GLMN: variants seen among roughly 807,000 people sequenced by gnomAD.
GLMN encodes glomulin, FKBP associated protein.
GLMN carries 75 observed loss-of-function variants against 87.8 expected under a neutral mutation model. The observed-to-expected ratio is 0.85, with a 90% CI of 0.71 to 1.04. The LOEUF is 1.04. Among genes scored for constraint, GLMN ranks in the 50% least tolerant of loss-of-function variants. The pLI, the probability that GLMN is intolerant of heterozygous loss-of-function variation, is 0.00. For missense variants in GLMN, 588 were observed against 658.8 expected (o/e 0.89, Z 1.18); for synonymous variants, 206 against 221.6 (o/e 0.93, Z 0.63).
intron 16 of GLMN, among the ~76,000 whole-genome samples, chr1:92,253,282 G>C (rs909538721): frequency 6.6e-6 from 1 of 152,192 alleles, no homozygotes; most frequent in African/African-American, 2.4e-5. Flanking sequence ...GGGGCTTATA[G>C]ATAAAACTTC....
intron 16 of GLMN, 90 bp from the exon 17 acceptor site, chr1:92,248,079 A>G (rs1570812139): frequency 6.9e-6 from 5 of 724,772 alleles, no homozygotes; most frequent in East Asian, 2.5e-5. Flanking sequence ...ACAAAAATAA[A>G]TGAAACATGG....
the GLMN span, among the ~76,000 whole-genome samples, chr1:92,354,194 C>G: frequency 1.3e-5 from 2 of 152,114 alleles, no homozygotes; most frequent in African/African-American, 4.8e-5. Flanking sequence ...TGATTGAGCT[C>G]CCTGAGAGCT....
intron 13 of GLMN, among the ~76,000 whole-genome samples, chr1:92,266,016 C>T (rs1051794483): frequency 6.6e-6 from 1 of 152,160 alleles, no homozygotes; most frequent in African/African-American, 2.4e-5. Flanking sequence ...TATTAGTAAG[C>T]TCTTACTATT....
At chr1:92,356,931 C>T in the GLMN span, among the ~76,000 whole-genome samples, 2 of 151,686 alleles carry the variant, frequency 1.3e-5, no homozygotes, top group African/African-American at 4.8e-5. Flanking sequence ...GGCATGATGG[C>T]GGGGACCGCC....
At chr1:92,343,737 AATTATAT>A in the GLMN span, among the ~76,000 whole-genome samples, 40,119 of 151,814 alleles carry the variant, frequency 0.26, 6,463 homozygotes, top group Non-Finnish European at 0.35. Flanking sequence ...CAGAAACAAC[AATTATAT>A]ATTAGAAGGC....
chr1:92,329,279 G>A, the GLMN span, among the ~76,000 whole-genome samples: 1 of 152,118 alleles, frequency 6.6e-6, no homozygotes, highest in African/African-American at 2.4e-5. Flanking sequence ...ATCAGGTGGG[G>A]GTACCATTGT....
chr1:92,319,843 A>G, the GLMN span, among the ~76,000 whole-genome samples: 1 of 152,118 alleles, frequency 6.6e-6, no homozygotes, highest in Non-Finnish European at 1.5e-5. Flanking sequence ...TACTAAAAAT[A>G]CAAAACTAGT....
At chr1:92,300,047 A>T (rs1296434021), upstream of GLMN, 3 of 605,578 alleles carry the variant, frequency 5.0e-6, no homozygotes, top group African/African-American at 5.6e-5. Flanking sequence ...ATGTTACTGT[A>T]CTAAGTACTG....
At chr1:92,368,584 A>G in the GLMN span, among the ~76,000 whole-genome samples, 13 of 152,324 alleles carry the variant, frequency 8.5e-5, no homozygotes, top group African/African-American at 2.9e-4. Context: ...GAGTTTGTAC[A>G]GCTCTAAATC....
intron 16 of GLMN, among the ~76,000 whole-genome samples, chr1:92,254,318 C>T (rs1412735039): frequency 2.0e-5 from 3 of 152,194 alleles, no homozygotes; most frequent in Non-Finnish European, 4.4e-5. Context: ...GTGATGGGGA[C>T]AATGGAACCA....
chr1:92,256,346 C>A (rs189913335), intron 16 of GLMN, among the ~76,000 whole-genome samples: 17 of 152,240 alleles, frequency 1.1e-4, no homozygotes, highest in Admixed American at 1.1e-3. Flanking sequence ...TGGTACCATT[C>A]CTTCTGAAAC....
intron 16 of GLMN, among the ~76,000 whole-genome samples, chr1:92,251,487 A>C (rs1378567436): frequency 6.6e-6 from 1 of 152,146 alleles, no homozygotes; most frequent in Non-Finnish European, 1.5e-5. Flanking sequence ...AAAACCTAAA[A>C]CTATACAATT....
At chr1:92,362,578 A>G in the GLMN span, among the ~76,000 whole-genome samples, 4 of 152,170 alleles carry the variant, frequency 2.6e-5, no homozygotes, top group African/African-American at 9.6e-5. Context: ...CAGAATACAC[A>G]AGGCTTAACA....
intron 4 of GLMN, 104 bp downstream of exon 4, chr1:92,291,314 A>T: frequency 9.9e-7 from 1 of 1,006,944 alleles, no homozygotes; most frequent in Non-Finnish European, 1.6e-6. Flanking sequence ...TTCTGCATGT[A>T]CTTTCATGAA....
At chr1:92,338,236 T>A in the GLMN span, among the ~76,000 whole-genome samples, 2 of 152,190 alleles carry the variant, frequency 1.3e-5, no homozygotes, top group African/African-American at 4.8e-5. Flanking sequence ...TTACTAAGAT[T>A]TTTACCCTCA....
chr1:92,296,498 C>G (rs1185559452), intron 3 of GLMN, among the ~76,000 whole-genome samples: 3 of 152,144 alleles, frequency 2.0e-5, no homozygotes, highest in Admixed American at 2.0e-4. Flanking sequence ...AACTCACTCC[C>G]TATCATGAGA....
chr1:92,266,741 C>G lies in GLMN; in HGVS notation c.1099G>C (p.Gly367Arg). 1.3e-6 allele frequency: 2 copies of G among 1,596,682 alleles called. No homozygotes were observed. Among genetic ancestry groups the G allele is most frequent in the South Asian group, 1.1e-5 (1 of 90,382 alleles). ...EIKSFLTVPQ[G>R]LVKVMTLCPI... is the part of the protein sequence containing the mutation. ...CAAAGTGTCATTACTTTCACTAAGC[C>G]CTGGAAATAAAAAAATGTAAAATTC... The change falls in exon 12 of 19, where the codon GGC (glycine) becomes CGC (arginine). Residue 367 changes from glycine to arginine, a missense_variant and splice_region_variant. Physicochemically the swap from Gly to Arg is moderately radical, Grantham distance 125. Transcript: ENST00000370360.
At chr1:92,261,914 C>T (rs567439877) in intron 16 of GLMN, among the ~76,000 whole-genome samples, 284 of 151,806 alleles carry the variant, frequency 1.9e-3, no homozygotes, top group African/African-American at 6.5e-3. Flanking sequence ...CCAATGATCA[C>T]TATAAAATTC....
At chr1:92,306,339 A>C in the GLMN span, among the ~76,000 whole-genome samples, 1 of 152,218 alleles carries the variant, frequency 6.6e-6, no homozygotes, top group Non-Finnish European at 1.5e-5. Flanking sequence ...CTATATACTT[A>C]AAAATGCTTA....
Sources: allele counts gnomAD v4.1 joint callset (sites outside exome capture counted in the v4.1 genomes callset), GRCh38; gene constraint gnomAD v4.1.1; transcripts MANE v1.5; gene names NCBI Gene and HGNC (gene_info 2026-07-23, HGNC 2026-07-21).